KAZN: variants seen among roughly 807,000 people sequenced by gnomAD.
The protein encoded by KAZN is kazrin, periplakin interacting protein, also known as kazrin.
KAZN carries 40 observed loss-of-function variants against 87.4 expected under a neutral mutation model. That is an observed-to-expected ratio of 0.46 (90% CI 0.36 to 0.60). KAZN has a LOEUF of 0.60. KAZN is among the 20% of genes least tolerant of loss of function. The pLI is 0.00. For synonymous variants in KAZN, 466 were observed against 458.3 expected (o/e 1.02, Z -0.22); for missense variants, 898 against 1,073.9 (o/e 0.84, Z 2.29).
intron 1 of KAZN, among the ~76,000 whole-genome samples, chr1:13,909,279 A>G (rs1570248446): frequency 6.6e-6 from 1 of 152,208 alleles, no homozygotes; most frequent in African/African-American, 2.4e-5. Context: ...GGGTGATTTC[A>G]ATTAGGAGAT....
At position 15,056,152 on chromosome 1, in the gene KAZN, C is replaced by T. The variant is rs1050992036; in HGVS notation, c.788C>T (p.Pro263Leu). ...DVPKRHSLAM[P>L]GETVLNGNQE... Reference sequence around the variant, plus strand: ...CCCAAGCGGCATTCCCTCGCCATGCCGGGCGAGACGGTGCTCAATGGCAAC... The same window carrying T: ...CCCAAGCGGCATTCCCTCGCCATGCTGGGCGAGACGGTGCTCAATGGCAAC... The change falls in exon 5 of 15, where the codon CCG (proline) becomes CTG (leucine). Residue 263 changes from proline (P) to leucine (L), a missense_variant. Transcript: ENST00000376030. This position sits in a 1 kb window ranked among gnomAD's most constrained non-coding sequence, Gnocchi z 5.4. 7 of 1,614,152 alleles carry T rather than the reference C, an allele frequency of 4.3e-6. No homozygotes were observed. The highest frequency in any genetic ancestry group is 5.1e-6 in the Non-Finnish European group (6 of 1,179,986).
chr1:15,007,552 C>A (rs550250403), intron 2 of KAZN, among the ~76,000 whole-genome samples: 1 of 152,286 alleles, frequency 6.6e-6, no homozygotes, highest in East Asian at 1.9e-4. Context: ...AGGAGGAGGT[C>A]CCAGGTGGGA....
rs1243721801 is a variant in KAZN at position 15,094,719 on chromosome 1, A to T, written c.1429-96A>T. On this transcript the variant is annotated intron_variant, in intron 9 of 14. Transcript: ENST00000376030. This position sits in a 1 kb window ranked among gnomAD's most constrained non-coding sequence, Gnocchi z 4.5. Reference sequence around the variant, plus strand: ...CCACTGTATGAAAGGTGGGCAGGAGATGGGGAAGGAGCCCCATGTCAACAG... The same window carrying T: ...CCACTGTATGAAAGGTGGGCAGGAGTTGGGGAAGGAGCCCCATGTCAACAG... 1 of 838,092 alleles carries T rather than the reference A, an allele frequency of 1.2e-6. No individual in the cohort carries two copies. The highest frequency in any genetic ancestry group is 1.7e-5 in the African/African-American group (1 of 59,098). 51.9% of individuals were successfully genotyped at this position (838,092 alleles called of 1,614,324 possible).
chr1:14,762,185 G>T (rs1304644056), intron 1 of KAZN, among the ~76,000 whole-genome samples: 1 of 152,184 alleles, frequency 6.6e-6, no homozygotes, highest in Non-Finnish European at 1.5e-5. Context: ...AGCAGACATT[G>T]CCAGAGGGCC....
intron 2 of KAZN, among the ~76,000 whole-genome samples, chr1:14,460,495 C>T (rs562899258): frequency 6.6e-6 from 1 of 152,242 alleles, no homozygotes; most frequent in Non-Finnish European, 1.5e-5. Context: ...GGGCCACCAG[C>T]ACCAGACTCA....
rs1186491116 is a variant in KAZN, at chr1:15,112,283, G to A, written c.2049-144G>A. On this transcript the variant is annotated intron_variant, in intron 13 of 14. Transcript: ENST00000376030. ...AAAGTGCTGAGCACAAGGATGGCAC[G>A]TGGGAGGTAATCAGTCGGTCTCAGC... is the stretch of plus-strand genomic sequence containing the variant. 20 of 655,298 alleles carry A rather than the reference G, an allele frequency of 3.1e-5. No homozygotes were observed. The East Asian group carries it at 3.3e-4, about 11-fold the overall frequency. 40.6% of individuals were successfully genotyped at this position (655,298 alleles called of 1,614,324 possible). A position where few individuals can be genotyped will look rare whatever the true frequency, so the allele number is the denominator to read the frequency against.
intron 2 of KAZN, among the ~76,000 whole-genome samples, chr1:14,465,921 C>T (rs886663404): frequency 1.3e-5 from 2 of 152,120 alleles, no homozygotes; most frequent in African/African-American, 4.8e-5. Context: ...ATTTTTTCTG[C>T]ACCTTTTCTA....
At chr1:14,468,360 C>T (rs78995404) in intron 2 of KAZN, among the ~76,000 whole-genome samples, 2 of 152,186 alleles carry the variant, frequency 1.3e-5, no homozygotes, top group African/African-American at 4.8e-5. Flanking sequence ...GCATCAGGCC[C>T]CTTTATATAC....
intron 2 of KAZN, among the ~76,000 whole-genome samples, chr1:14,438,467 G>A (rs964006382): frequency 6.6e-6 from 1 of 152,244 alleles, no homozygotes; most frequent in African/African-American, 2.4e-5. Flanking sequence ...AAAGATTCAT[G>A]TGGAGGCAAG....
intron 2 of KAZN, among the ~76,000 whole-genome samples, chr1:14,978,286 A>G (rs1665871502): frequency 6.6e-6 from 1 of 152,296 alleles, no homozygotes; most frequent in Non-Finnish European, 1.5e-5. Flanking sequence ...TGCCAAAGAC[A>G]GTGGATGTGG....
chr1:14,095,127 G>A (rs1483238625), intron 1 of KAZN, among the ~76,000 whole-genome samples: 1 of 152,134 alleles, frequency 6.6e-6, no homozygotes, highest in African/African-American at 2.4e-5. Context: ...CTGGCCCTGG[G>A]TGTGTACCAT....
chr1:14,547,717 GA>G (rs1004778518), intron 2 of KAZN, among the ~76,000 whole-genome samples: 89 of 152,192 alleles, frequency 5.8e-4, no homozygotes, highest in African/African-American at 2.1e-3. Flanking sequence ...CAAGTAGCTG[GA>G]ACTACAGGTG....
At chr1:14,522,158 A>G (rs1358227590) in intron 2 of KAZN, among the ~76,000 whole-genome samples, 1 of 152,132 alleles carries the variant, frequency 6.6e-6, no homozygotes, top group East Asian at 1.9e-4. Flanking sequence ...CTGCTCCCAG[A>G]TCAACTTGAT....
In KAZN at chr1:15,050,083, C is replaced by T. The variant is rs12757155; in HGVS notation, c.726+5924C>T. 4.3e-4 allele frequency among the ~76,000 whole-genome samples: 38 copies of T among 88,764 alleles called. 1 individual carries two copies. Among genetic ancestry groups the T allele is most frequent in the Admixed American group, 4.6e-4 (4 of 8,784 alleles). The allele number at this position is 88,764 out of a possible 152,430, so 58.2% of individuals were successfully genotyped here. ...GGGTAGGGTAGAGTAGAGTAGAGTA[C>T]AGTAGAGTACAGTAGAGTAGAGTAG... On this transcript the variant is annotated intron_variant, in intron 4 of 14. Transcript: ENST00000376030.
intron 10 of KAZN, among the ~76,000 whole-genome samples, chr1:15,100,528 C>T (rs562908716): frequency 2.0e-5 from 3 of 152,336 alleles, no homozygotes; most frequent in East Asian, 1.9e-4. Flanking sequence ...CGGTGATCCT[C>T]GTTCCTTCTG....
intron 2 of KAZN, among the ~76,000 whole-genome samples, chr1:14,531,390 C>G (rs1557781208): frequency 6.6e-6 from 1 of 152,202 alleles, no homozygotes; most frequent in African/African-American, 2.4e-5. Context: ...CACTTCTATG[C>G]AGATTGATCA....
chr1:15,005,821 G>A (rs748794708), intron 2 of KAZN, among the ~76,000 whole-genome samples: 15 of 152,190 alleles, frequency 9.9e-5, no homozygotes, highest in Middle Eastern at 3.4e-3. Context: ...TAACCTAAAG[G>A]GCATTAGTGT....
chr1:14,838,498 C>T (rs962671740), intron 1 of KAZN, among the ~76,000 whole-genome samples: 14 of 152,178 alleles, frequency 9.2e-5, no homozygotes, highest in African/African-American at 3.4e-4. Context: ...AATCTTCCCT[C>T]TTGCTAACTT....
intron 1 of KAZN, among the ~76,000 whole-genome samples, chr1:13,999,006 A>T (rs1639656049): frequency 6.6e-6 from 1 of 152,238 alleles, no homozygotes; most frequent in African/African-American, 2.4e-5. Context: ...CTGAAATCAT[A>T]ACAAATAGTG....
Sources: gnomAD v4.1 joint callset for allele counts (sites outside exome capture counted in the v4.1 genomes callset) on GRCh38, gnomAD v4.1.1 for gene constraint, Gnocchi (gnomAD v3.1) non-coding constraint, MANE v1.5 for transcripts, NCBI Gene and HGNC (gene_info 2026-07-23, HGNC 2026-07-21) for gene names.